Variants in XXYLT1 observed in about 807,000 individuals in gnomAD.
The protein encoded by XXYLT1 is xyloside xylosyltransferase 1.
A neutral mutation model predicts 28.9 loss-of-function variants in XXYLT1; 20 were observed. That is an observed-to-expected ratio of 0.69 (90% CI 0.49 to 1.00). The LOEUF is 1.00. XXYLT1 is among the 50% of genes least tolerant of loss of function. The probability of loss-of-function intolerance (pLI) is 0.00; values close to 1 mark genes in which losing one functional copy is unlikely to be tolerated. For synonymous variants in XXYLT1, 257 were observed against 253.8 expected (o/e 1.01, Z -0.12); for missense variants, 542 against 560.1 (o/e 0.97, Z 0.33).
intron 3 of XXYLT1, 114 bp downstream of exon 3, chr3:195,156,335 T>A (rs1388304193): frequency 6.7e-7 from 1 of 1,502,726 alleles, no homozygotes; most frequent in Non-Finnish European, 8.9e-7. Context: ...CCCAAGATAC[T>A]AAGTGCAGAA....
intron 2 of XXYLT1, among the ~76,000 whole-genome samples, chr3:195,192,611 G>A (rs767627664): frequency 1.3e-5 from 2 of 152,078 alleles, no homozygotes; most frequent in Non-Finnish European, 2.9e-5. Context: ...GGAATGCATG[G>A]CTGGTATAAC....
chr3:195,268,171 TG>T (rs1287661591), intron 1 of XXYLT1, among the ~76,000 whole-genome samples: 3 of 152,144 alleles, frequency 2.0e-5, no homozygotes, highest in Non-Finnish European at 2.9e-5. Context: ...GGTTCACGCC[TG>T]TAATTCCAGC....
At chr3:195,072,090 A>G (rs1030178301) in intron 3 of XXYLT1, among the ~76,000 whole-genome samples, 1 of 151,746 alleles carries the variant, frequency 6.6e-6, no homozygotes, top group Non-Finnish European at 1.5e-5. Flanking sequence ...TGTCCACAGG[A>G]CCTCACAGGG....
chr3:195,214,001 C>A (rs1723447523), intron 2 of XXYLT1, among the ~76,000 whole-genome samples: 1 of 152,176 alleles, frequency 6.6e-6, no homozygotes, highest in African/African-American at 2.4e-5. Context: ...GTGGGAGATT[C>A]AAAAGCCACT....
intron 2 of XXYLT1, among the ~76,000 whole-genome samples, chr3:195,220,606 G>A (rs1394364370): frequency 6.6e-6 from 1 of 152,030 alleles, no homozygotes; most frequent in African/African-American, 2.4e-5. Flanking sequence ...CCCCCTTTCA[G>A]CCTGCTCAGA....
At chr3:195,162,353 A>G (rs576760630) in intron 2 of XXYLT1, among the ~76,000 whole-genome samples, 33 of 152,204 alleles carry the variant, frequency 2.2e-4, no homozygotes, top group Non-Finnish European at 4.9e-4. Flanking sequence ...TGTTTTCCAC[A>G]TTAGCAGCCT....
In XXYLT1 at chr3:195,265,611, A is replaced by T. The variant is rs111493923; in HGVS notation, c.504+4944T>A. Among the ~76,000 whole-genome samples the T allele has an allele frequency of 4.1e-3, 631 of 152,306 alleles. 3 individuals are homozygous for T. Among genetic ancestry groups the T allele is most frequent in the African/African-American group, 0.013 (531 of 41,558 alleles). On this transcript the variant is annotated intron_variant, in intron 1 of 3. Coordinates refer to ENST00000310380, the MANE Select transcript of XXYLT1 (RefSeq NM_152531.5). Reference sequence around the variant, plus strand: ...AGCATGGGGAAGGAGAGGAGACATGAGAGGCGCCTTGAGGCCTGTTCACTG... The same window carrying T: ...AGCATGGGGAAGGAGAGGAGACATGTGAGGCGCCTTGAGGCCTGTTCACTG...
chr3:195,270,755 G>C lies in XXYLT1; in HGVS notation c.304C>G (p.Leu102Val). 6.3e-7 allele frequency: 1 copy of C among 1,585,762 alleles called. No individual in the cohort carries two copies. The highest frequency in any genetic ancestry group is 8.5e-7 in the Non-Finnish European group (1 of 1,170,304). ...TGCTCCGCCTTGGTGAACATCATCA[G>C]CAGGTGGTAGTCCACCGGCCCGGCA... ...GGAGPVDYHL[L>V]MMFTKAEHNA... Residue 102 changes from leucine (L) to valine (V), a missense_variant, in exon 1 of 4, where the codon CTG becomes GTG. Transcript: ENST00000310380.
At chr3:195,088,041 C>T (rs965917952) in intron 3 of XXYLT1, among the ~76,000 whole-genome samples, 7 of 152,048 alleles carry the variant, frequency 4.6e-5, no homozygotes, top group Non-Finnish European at 7.4e-5. Context: ...TCCTACCCCA[C>T]GGAGTCTCGC....
intron 2 of XXYLT1, among the ~76,000 whole-genome samples, chr3:195,170,052 T>C (rs1484367715): frequency 1.3e-5 from 2 of 151,860 alleles, no homozygotes; most frequent in South Asian, 2.1e-4. Context: ...GGTTTCTCCA[T>C]GTTGATCAGG....
rs1437666099 is a variant in XXYLT1, at chr3:195,151,617, CAAT to C, written c.785+4829_785+4831del. Reference sequence around the variant, plus strand: ...TAGTATAAATAATTGTTTAGATAAACAATAAACAATTATTTAGTATAAATAAAC... The same window carrying C: ...TAGTATAAATAATTGTTTAGATAAACAAACAATTATTTAGTATAAATAAAC... On this transcript the variant is annotated intron_variant, in intron 3 of 3. Transcript: ENST00000310380. Among the ~76,000 whole-genome samples the C allele has an allele frequency of 3.3e-5, 5 of 151,332 alleles. No individual in the cohort carries two copies. In the East Asian group the frequency reaches 5.8e-4, roughly 18 times the overall value.
At position 195,129,187 on chromosome 3, in the gene XXYLT1, T is replaced by TA. The variant is rs1441550194; in HGVS notation, c.785+27261dup. On this transcript the variant is annotated intron_variant, in intron 3 of 3. Coordinates refer to ENST00000310380, the MANE Select transcript of XXYLT1 (RefSeq NM_152531.5). This position sits in a 1 kb window ranked among gnomAD's most constrained non-coding sequence, Gnocchi z 4.4. ...TAGCGTGAACACTGAAGTCTGCACTTATACGGCAGCCATTTACAACCTCCT... is the reference window on the plus strand; with the variant it reads ...TAGCGTGAACACTGAAGTCTGCACTTAATACGGCAGCCATTTACAACCTCCT... Among the ~76,000 whole-genome samples the TA allele has an allele frequency of 6.6e-6, 1 of 152,174 alleles. No individual in the cohort carries two copies. Among genetic ancestry groups the TA allele is most frequent in the African/African-American group, 2.4e-5 (1 of 41,446 alleles).
At position 195,226,793 on chromosome 3, in the gene XXYLT1, T is replaced by C; in HGVS notation, c.568A>G (p.Lys190Glu). Residue 190 changes from lysine (K) to glutamate (E), a missense_variant, in exon 2 of 4, where the codon AAG becomes GAG. By Grantham distance (56) the Lys-to-Glu change is moderately conservative. Coordinates refer to ENST00000310380, the MANE Select transcript of XXYLT1 (RefSeq NM_152531.5). ...GTTCCCAAGCCAGCACTGAAGTGCTTCTGCATGGCCTCCACGATGGGGAAG... is the reference window on the plus strand; with the variant it reads ...GTTCCCAAGCCAGCACTGAAGTGCTCCTGCATGGCCTCCACGATGGGGAAG... ...KLFPIVEAMQ[K>E]HFSAGLGTYY... The C allele has an allele frequency of 1.2e-6, 2 of 1,613,064 alleles. No homozygotes were observed. The highest frequency in any genetic ancestry group is 1.7e-6 in the Non-Finnish European group (2 of 1,179,904).
intron 1 of XXYLT1, among the ~76,000 whole-genome samples, chr3:195,259,332 TG>T (rs1439975761): frequency 5.3e-5 from 8 of 152,250 alleles, no homozygotes; most frequent in African/African-American, 1.9e-4. Context: ...GTAGTTAGAG[TG>T]GCCTCTCAGA....
intron 3 of XXYLT1, among the ~76,000 whole-genome samples, chr3:195,074,623 G>A (rs1483346926): frequency 6.6e-6 from 1 of 152,200 alleles, no homozygotes; most frequent in Non-Finnish European, 1.5e-5. Flanking sequence ...AGTCCACCCA[G>A]GCCCAGAGGC....
At chr3:195,169,542 A>G (rs1721292471) in intron 2 of XXYLT1, among the ~76,000 whole-genome samples, 3 of 152,218 alleles carry the variant, frequency 2.0e-5, no homozygotes. Flanking sequence ...TCCCCGCCAC[A>G]ATGCGGTTCC....
chr3:195,241,882 A>C (rs1724792469), intron 1 of XXYLT1, among the ~76,000 whole-genome samples: 1 of 152,122 alleles, frequency 6.6e-6, no homozygotes, highest in African/African-American at 2.4e-5. Flanking sequence ...AGTCCTGGCT[A>C]TTGCATGACC....
intron 2 of XXYLT1, among the ~76,000 whole-genome samples, chr3:195,204,681 A>C (rs56281422): frequency 0.1 from 15,140 of 152,010 alleles, 1,410 homozygotes; most frequent in African/African-American, 0.24. Flanking sequence ...GTATCTCACT[A>C]CCCACAACCC....
intron 1 of XXYLT1, among the ~76,000 whole-genome samples, chr3:195,235,132 G>C (rs1012294626): frequency 6.6e-6 from 1 of 151,852 alleles, no homozygotes; most frequent in Non-Finnish European, 1.5e-5. Flanking sequence ...TTGAGACAGG[G>C]TCTGGCTCTG....
Sources: allele counts gnomAD v4.1 joint callset (sites outside exome capture counted in the v4.1 genomes callset), GRCh38; gene constraint gnomAD v4.1.1; non-coding constraint Gnocchi (gnomAD v3.1); transcripts MANE v1.5; gene names NCBI Gene and HGNC (gene_info 2026-07-23, HGNC 2026-07-21).